Variants in CLVS1 observed in about 807,000 individuals in gnomAD.
CLVS1 encodes clavesin-1.
Under a neutral mutation model 33.1 loss-of-function variants are expected in CLVS1, and 10 were observed. The observed-to-expected ratio is 0.30, with a 90% CI of 0.19 to 0.51. CLVS1 has a LOEUF of 0.51. Ranked by LOEUF, CLVS1 falls within the 20% of genes least tolerant of loss-of-function variation. CLVS1 has a pLI of 0.97. For missense variants in CLVS1, 343 were observed against 433.4 expected, an observed-to-expected ratio of 0.79 and a Z score of 1.85; for synonymous variants, 163 against 166.1, an observed-to-expected ratio of 0.98 and a Z score of 0.14.
chr8:61,232,159 C>T (rs1808460548), intron 2 of CLVS1, among the ~76,000 whole-genome samples: 1 of 146,778 alleles, frequency 6.8e-6, no homozygotes, highest in African/African-American at 2.5e-5. Flanking sequence ...CTCAGCCTCC[C>T]ACGTAGCTGG....
chr8:61,149,337 A>G (rs1170975651), intron 2 of CLVS1, among the ~76,000 whole-genome samples: 1 of 152,102 alleles, frequency 6.6e-6, no homozygotes. Flanking sequence ...GGATCACCTG[A>G]GGTCAGGGGT....
At chr8:61,274,627 CCA>C (rs1809528462) in intron 2 of CLVS1, among the ~76,000 whole-genome samples, 2 of 152,138 alleles carry the variant, frequency 1.3e-5, no homozygotes, top group South Asian at 4.1e-4. Context: ...TTTCATCACA[CCA>C]AGATTGATGT....
At position 61,112,175 on chromosome 8, in the gene CLVS1, G is replaced by A. The variant is rs905677116; in HGVS notation, c.-242-19595G>A. Reference sequence around the variant, plus strand: ...CGCTGTTATTATTTTAAAGTTCTCCGTGCTACACACACACACACACACACA... The same window carrying A: ...CGCTGTTATTATTTTAAAGTTCTCCATGCTACACACACACACACACACACA... On this transcript the variant is annotated intron_variant, in intron 1 of 2. Coordinates refer to the CLVS1 transcript ENST00000522621. Among the ~76,000 whole-genome samples, 9 of 111,398 alleles carry A rather than the reference G, an allele frequency of 8.1e-5. No individual in the cohort carries two copies. The South Asian group carries it at 9.8e-4, about 12-fold the overall frequency. The allele number at this position is 111,398 out of a possible 152,430, so 73.1% of individuals were successfully genotyped here. A position where few individuals can be genotyped will look rare whatever the true frequency, so the allele number is the denominator to read the frequency against.
intron 1 of CLVS1, among the ~76,000 whole-genome samples, chr8:61,298,235 C>A (rs1002856697): frequency 6.6e-6 from 1 of 152,126 alleles, no homozygotes; most frequent in African/African-American, 2.4e-5. Flanking sequence ...GATTTTGAAA[C>A]TTCTTACAAT....
intron 2 of CLVS1, among the ~76,000 whole-genome samples, chr8:61,258,343 T>C (rs28401327): frequency 0.04 from 6,077 of 152,308 alleles, 418 homozygotes; most frequent in African/African-American, 0.14. Context: ...GACTATTTTA[T>C]ATTTTAAAAG....
chr8:61,191,570 A>G (rs1301256706), intron 2 of CLVS1, among the ~76,000 whole-genome samples: 1 of 152,224 alleles, frequency 6.6e-6, no homozygotes, highest in Non-Finnish European at 1.5e-5. Flanking sequence ...AGTTAGGAAA[A>G]GAGGAAGTCA....
the CLVS1 span, among the ~76,000 whole-genome samples, chr8:61,039,479 C>A: frequency 6.6e-6 from 1 of 152,142 alleles, no homozygotes; most frequent in Non-Finnish European, 1.5e-5. Flanking sequence ...CAGTACATGG[C>A]AAGGGTTTCC....
chr8:61,348,418 C>G (rs1254916005), intron 2 of CLVS1, among the ~76,000 whole-genome samples: 1 of 151,932 alleles, frequency 6.6e-6, no homozygotes, highest in Non-Finnish European at 1.5e-5. Context: ...CAACATGGCA[C>G]ATGTATACAT....
intron 2 of CLVS1, among the ~76,000 whole-genome samples, chr8:61,278,777 C>T (rs1469385905): frequency 6.6e-6 from 1 of 152,198 alleles, no homozygotes; most frequent in East Asian, 1.9e-4. Context: ...CAGTGGGTCT[C>T]CCTCAGAAGA....
intron 1 of CLVS1, among the ~76,000 whole-genome samples, chr8:61,061,853 A>C (rs1348239797): frequency 1.3e-5 from 2 of 151,880 alleles, no homozygotes; most frequent in African/African-American, 2.4e-5. Context: ...GGCGAGCTTG[A>C]GGTATAGCTC....
At chr8:61,112,424 C>A (rs1382096309) in intron 1 of CLVS1, among the ~76,000 whole-genome samples, 2 of 152,182 alleles carry the variant, frequency 1.3e-5, no homozygotes, top group South Asian at 2.1e-4. Flanking sequence ...TCCTTTTCAG[C>A]ATTTCTAAGA....
At chr8:61,304,779 A>G (rs149713456) in intron 2 of CLVS1, among the ~76,000 whole-genome samples, 44 of 152,280 alleles carry the variant, frequency 2.9e-4, no homozygotes, top group African/African-American at 8.7e-4. Context: ...AAAGGGACAC[A>G]TCGGTTTTTT....
chr8:61,119,742 G>A (rs1381537038), intron 1 of CLVS1, among the ~76,000 whole-genome samples: 1 of 110,628 alleles, frequency 9.0e-6, no homozygotes, highest in East Asian at 3.2e-4. Flanking sequence ...TGAGAGATCC[G>A]CTGTTAGTCT....
At chr8:61,403,358 G>A (rs914099589) in intron 3 of CLVS1, among the ~76,000 whole-genome samples, 1 of 152,174 alleles carries the variant, frequency 6.6e-6, no homozygotes, top group African/African-American at 2.4e-5. Context: ...GAGGGCTCTG[G>A]GCTGAAGGAT....
chr8:61,049,904 CAATGGCAATCCT>C, the CLVS1 span, among the ~76,000 whole-genome samples: 1 of 152,218 alleles, frequency 6.6e-6, no homozygotes, highest in Non-Finnish European at 1.5e-5. Context: ...TAAGCTGCAA[CAATGGCAATCCT>C]GTATTATTCT....
chr8:61,083,574 T>C (rs1369135120), intron 1 of CLVS1, among the ~76,000 whole-genome samples: 1 of 152,012 alleles, frequency 6.6e-6, no homozygotes, highest in Non-Finnish European at 1.5e-5. Context: ...ATAGGAGCCT[T>C]AGGGAGATTC....
chr8:61,315,434 A>G (rs1028865862), intron 2 of CLVS1, among the ~76,000 whole-genome samples: 1 of 152,064 alleles, frequency 6.6e-6, no homozygotes, highest in African/African-American at 2.4e-5. Flanking sequence ...CACTGGGCCC[A>G]TTCCCTTTGG....
intron 2 of CLVS1, among the ~76,000 whole-genome samples, chr8:61,239,728 C>T (rs1485559119): frequency 6.6e-6 from 1 of 152,104 alleles, no homozygotes; most frequent in Non-Finnish European, 1.5e-5. Flanking sequence ...CAGAGGGAGA[C>T]CCTGTCTCAA....
intron 2 of CLVS1, among the ~76,000 whole-genome samples, chr8:61,308,441 G>A (rs907668942): frequency 1.3e-5 from 2 of 152,074 alleles, no homozygotes; most frequent in Non-Finnish European, 2.9e-5. Flanking sequence ...GTTTCTTGGC[G>A]GAGAATGAGC....
Sources: gnomAD v4.1 joint callset for allele counts (sites outside exome capture counted in the v4.1 genomes callset) on GRCh38, gnomAD v4.1.1 for gene constraint, MANE v1.5 for transcripts, NCBI Gene and HGNC (gene_info 2026-07-23, HGNC 2026-07-21) for gene names.